Variants in PCDHGA6 observed in about 807,000 individuals in gnomAD.
The protein encoded by PCDHGA6 is protocadherin gamma-A6.
In PCDHGA6, 41 loss-of-function variants were observed where a neutral mutation model predicts 60.6. The ratio of observed to expected loss-of-function variants is 0.68; its 90% CI spans 0.53 to 0.88. The LOEUF is 0.88. Among genes scored for constraint, PCDHGA6 ranks in the 40% least tolerant of loss-of-function variants. The probability of loss-of-function intolerance (pLI) is 0.00; values close to 1 mark genes in which losing one functional copy is unlikely to be tolerated. For synonymous variants in PCDHGA6, 594 were observed against 524.4 expected, an observed-to-expected ratio of 1.13 and a Z score of -1.81; for missense variants, 1,312 against 1,203.0, an observed-to-expected ratio of 1.09 and a Z score of -1.34.
chr5:141,421,194 C>G, intron 1 of PCDHGA6: 1 of 1,498,922 alleles, frequency 6.7e-7, no homozygotes, highest in South Asian at 1.3e-5. Context: ...CCAACCAGCT[C>G]GAGAAACCGC....
chr5:141,418,869 T>A (rs1261615662), intron 1 of PCDHGA6: 1 of 1,613,830 alleles, frequency 6.2e-7, no homozygotes, highest in Non-Finnish European at 8.5e-7. Flanking sequence ...ATTGTAGAAG[T>A]TGTAGACGAA....
chr5:141,432,025 G>T lies in PCDHGA6; in HGVS notation c.2424+55518G>T. ...AGGTTCCTAGCTACAACATCACAGT[G>T]ACCGCCACTGACCGGGGAACCCCGC... On this transcript the variant is annotated intron_variant, in intron 1 of 3. Coordinates refer to ENST00000517434, the MANE Select transcript of PCDHGA6 (RefSeq NM_018919.3). The surrounding 1 kb of genome is among the most constrained non-coding windows in gnomAD (Gnocchi z 6.0). The T allele has an allele frequency of 6.2e-7, 1 of 1,614,158 alleles. No homozygotes were observed. The highest frequency in any genetic ancestry group is 1.1e-5 in the South Asian group (1 of 91,058).
At chr5:141,409,618 G>T (rs374484255) in intron 1 of PCDHGA6, 77 of 1,613,776 alleles carry the variant, frequency 4.8e-5, no homozygotes, top group Non-Finnish European at 6.3e-5. Context: ...CCTCCATTGC[G>T]CAAGTGAGCG....
rs141514361 is a variant in PCDHGA6, at chr5:141,494,629, A to G, written c.2425-178A>G. 4,666 of 858,664 alleles carry G rather than the reference A, an allele frequency of 5.4e-3. 23 individuals are homozygous for G. Among genetic ancestry groups the G allele is most frequent in the Admixed American group, 0.011 (170 of 16,094 alleles). 53.2% of individuals were successfully genotyped at this position (858,664 alleles called of 1,614,324 possible). On this transcript the variant is annotated intron_variant, in intron 1 of 3. Coordinates refer to ENST00000517434, the MANE Select transcript of PCDHGA6 (RefSeq NM_018919.3). ...TATCTCTTGGTTTCTGGTACCTCAGACCTCTGAGACCTGAGGTGTATTTTG... is the reference window on the plus strand; with the variant it reads ...TATCTCTTGGTTTCTGGTACCTCAGGCCTCTGAGACCTGAGGTGTATTTTG...
Position 141,477,553 on chromosome 5 carries a change from A to G in PCDHGA6, c.2425-17254A>G. ...TCCCCGGGGCTCCAATACTAAACCTAAGTGTCTGGGACCCCGACGCCCCGC... is the reference window on the plus strand; with the variant it reads ...TCCCCGGGGCTCCAATACTAAACCTGAGTGTCTGGGACCCCGACGCCCCGC... On this transcript the variant is annotated intron_variant, in intron 1 of 3. Transcript: ENST00000517434. This position sits in a 1 kb window ranked among gnomAD's most constrained non-coding sequence, Gnocchi z 4.9. 5 of 1,614,090 alleles carry G rather than the reference A, an allele frequency of 3.1e-6. No individual in the cohort carries two copies. The highest frequency in any genetic ancestry group is 4.2e-6 in the Non-Finnish European group (5 of 1,180,020).
intron 1 of PCDHGA6, among the ~76,000 whole-genome samples, chr5:141,482,592 C>T (rs187714622): frequency 1.0e-4 from 15 of 142,934 alleles, no homozygotes; most frequent in East Asian, 6.1e-4. Context: ...TGGGACCAAA[C>T]GGGAAAAAAC....
intron 1 of PCDHGA6, chr5:141,422,463 C>G (rs1461108652): frequency 6.2e-7 from 1 of 1,613,472 alleles, no homozygotes; most frequent in Non-Finnish European, 8.5e-7. Flanking sequence ...GAGTGCTGGA[C>G]AGGGAGTTGG....
At chr5:141,409,381 G>T (rs1258881607) in intron 1 of PCDHGA6, 1 of 1,614,018 alleles carries the variant, frequency 6.2e-7, no homozygotes, top group Admixed American at 1.7e-5. Context: ...TTCCATTCAA[G>T]ATTTATTCTT....
chr5:141,502,491 T>G lies in PCDHGA6; in HGVS notation c.2484-2902T>G, dbSNP rs557202239. Among the ~76,000 whole-genome samples, 1,415 of 152,344 alleles carry G rather than the reference T, an allele frequency of 9.3e-3. 29 individuals carry two copies. The highest frequency in any genetic ancestry group is 0.033 in the African/African-American group (1,352 of 41,578). ...TCCCGCAGCATCACACTGGGACTCA[T>G]CTAACGTCGGCCTGTCCCACTATCA... is the stretch of plus-strand genomic sequence containing the variant. On this transcript the variant is annotated intron_variant, in intron 2 of 3. Transcript: ENST00000517434.
chr5:141,466,195 C>G (rs1269214888), intron 1 of PCDHGA6, among the ~76,000 whole-genome samples: 1 of 151,748 alleles, frequency 6.6e-6, no homozygotes, highest in Non-Finnish European at 1.5e-5. Flanking sequence ...TTTTCAGACA[C>G]AGCCTTGCTC....
chr5:141,432,725 G>A lies in PCDHGA6; in HGVS notation c.2424+56218G>A, dbSNP rs755759587. The A allele has an allele frequency of 7.4e-6, 12 of 1,613,896 alleles. No individual in the cohort carries two copies. Among genetic ancestry groups the A allele is most frequent in the African/African-American group, 1.3e-5 (1 of 74,932 alleles). On this transcript the variant is annotated intron_variant, in intron 1 of 3. Transcript: ENST00000517434. This position sits in a 1 kb window ranked among gnomAD's most constrained non-coding sequence, Gnocchi z 6.0. ...GGACCACGGCCAGCCCCCTCTCTCC[G>A]CCACTGTCACGCTCACCGTGGCCGT...
Position 141,486,786 on chromosome 5 carries a change from G to A in PCDHGA6, c.2425-8021G>A, listed in dbSNP as rs1360545946. The A allele has an allele frequency of 1.9e-6, 3 of 1,614,090 alleles. No individual in the cohort carries two copies. The highest frequency in any genetic ancestry group is 2.2e-5 in the East Asian group (1 of 44,892). ...ACACTGCAGTTTGAGGTGCAGGCCC[G>A]GGATCGGGGCAACCCACCCCTTAGC... is the stretch of plus-strand genomic sequence containing the variant. On this transcript the variant is annotated intron_variant, in intron 1 of 3. Coordinates refer to ENST00000517434, the MANE Select transcript of PCDHGA6 (RefSeq NM_018919.3). This position sits in a 1 kb window ranked among gnomAD's most constrained non-coding sequence, Gnocchi z 5.0.
intron 1 of PCDHGA6, among the ~76,000 whole-genome samples, chr5:141,454,932 C>T (rs945154196): frequency 1.3e-5 from 2 of 150,768 alleles, no homozygotes; most frequent in African/African-American, 2.4e-5. Context: ...CTCAGCCTCC[C>T]GAGTAGCTGG....
chr5:141,423,983 C>T, intron 1 of PCDHGA6: 5 of 1,107,052 alleles, frequency 4.5e-6, no homozygotes, highest in Non-Finnish European at 5.6e-6. Context: ...GTATGAGGCT[C>T]TCAATTTATT....
intron 1 of PCDHGA6, chr5:141,383,745 G>A: frequency 6.2e-7 from 1 of 1,613,954 alleles, no homozygotes; most frequent in Non-Finnish European, 8.5e-7. Context: ...ATTCTTTTCG[G>A]AAAATAACTC....
chr5:141,420,047 G>T lies in PCDHGA6; in HGVS notation c.2424+43540G>T. ...TACTGCAGGAGACTGCTTTGAGTCA[G>T]TTCTCTGCTCCAAGTCCGGACCTGT... On this transcript the variant is annotated intron_variant, in intron 1 of 3. Coordinates refer to ENST00000517434, the MANE Select transcript of PCDHGA6 (RefSeq NM_018919.3). 3 of 1,614,076 alleles carry T rather than the reference G, an allele frequency of 1.9e-6. No individual in the cohort carries two copies. The South Asian group carries it at 3.3e-5, about 18-fold the overall frequency.
intron 1 of PCDHGA6, among the ~76,000 whole-genome samples, chr5:141,483,084 C>CA (rs898059463): frequency 8.0e-5 from 12 of 150,326 alleles, no homozygotes; most frequent in Admixed American, 2.0e-4. Context: ...GACTCCATCT[C>CA]AAAAAAAAAG....
Position 141,409,216 on chromosome 5 carries a change from T to G in PCDHGA6, c.2424+32709T>G, listed in dbSNP as rs368791778. 9.9e-6 allele frequency: 16 copies of G among 1,613,886 alleles called. No individual in the cohort carries two copies. The African/African-American group carries it at 1.1e-4, about 11-fold the overall frequency. ...AGTGTAAAGTAATCATAGAAATCCT[T>G]GATGAAAACGACAACAGCCCAGAAA... is the stretch of plus-strand genomic sequence containing the variant. On this transcript the variant is annotated intron_variant, in intron 1 of 3. Coordinates refer to ENST00000517434, the MANE Select transcript of PCDHGA6 (RefSeq NM_018919.3).
At chr5:141,383,112 G>C (rs1167934535) in intron 1 of PCDHGA6, 5 of 1,613,924 alleles carry the variant, frequency 3.1e-6, no homozygotes, top group Non-Finnish European at 4.2e-6. Context: ...CCAGAGGTAG[G>C]ACGCAGCTTT....
Sources: gnomAD v4.1 joint callset for allele counts (sites outside exome capture counted in the v4.1 genomes callset) on GRCh38, gnomAD v4.1.1 for gene constraint, Gnocchi (gnomAD v3.1) non-coding constraint, MANE v1.5 for transcripts, NCBI Gene and HGNC (gene_info 2026-07-23, HGNC 2026-07-21) for gene names.